Variants in ACSL3 observed in about 807,000 individuals in gnomAD.
ACSL3 encodes the protein acyl-CoA synthetase long chain family member 3.
Under a neutral mutation model 84.7 loss-of-function variants are expected in ACSL3, and 34 were observed. The ratio of observed to expected loss-of-function variants is 0.40; its 90% CI spans 0.31 to 0.53. The LOEUF is 0.53. Ranked by LOEUF, ACSL3 falls within the 20% of genes least tolerant of loss-of-function variation. The pLI is 0.48. For synonymous variants in ACSL3, 315 were observed against 299.4 expected (o/e 1.05, Z -0.54); for missense variants, 680 against 873.1 (o/e 0.78, Z 2.79).
At chr2:222,915,134 C>G (rs1300005770) in intron 4 of ACSL3, among the ~76,000 whole-genome samples, 8 of 152,090 alleles carry the variant, frequency 5.3e-5, no homozygotes, top group Non-Finnish European at 1.2e-4. Context: ...AATCCAGTTC[C>G]TGCACATTTT....
intron 2 of ACSL3, among the ~76,000 whole-genome samples, chr2:222,896,916 A>C (rs866656501): frequency 7.8e-5 from 1 of 12,768 alleles, no homozygotes. Flanking sequence ...GCGGCTGGCC[A>C]GGCAGGGGGC....
intron 1 of ACSL3, among the ~76,000 whole-genome samples, chr2:222,865,000 TAA>T (rs755100277): frequency 5.3e-5 from 8 of 152,262 alleles, no homozygotes; most frequent in Non-Finnish European, 1.2e-4. Context: ...GTGATTGATT[TAA>T]AATGTGGCTC....
chr2:222,930,741 A>C lies in ACSL3; in HGVS notation c.1661A>C (p.Glu554Ala). ...AKTKADFFED[E>A]NGQRWLCTGD... ...ACAAAAGCTGATTTCTTTGAAGATG[A>C]AAATGGACAAAGGTGGCTCTGTACT... Residue 554 changes from glutamate (E) to alanine (A), a missense_variant, in exon 14 of 17, where the codon GAA becomes GCA. Coordinates refer to ENST00000357430, the MANE Select transcript of ACSL3 (RefSeq NM_004457.5). The C allele has an allele frequency of 6.2e-7, 1 of 1,614,174 alleles. No homozygotes were observed. The highest frequency in any genetic ancestry group is 8.5e-7 in the Non-Finnish European group (1 of 1,180,014).
intron 1 of ACSL3, among the ~76,000 whole-genome samples, chr2:222,876,247 T>C (rs927358682): frequency 6.6e-6 from 1 of 152,228 alleles, no homozygotes; most frequent in Admixed American, 6.5e-5. Context: ...CCTACCCTCA[T>C]GTGGGATAGC....
In ACSL3 at chr2:222,927,161, A is replaced by G. The variant is rs1696904341; in HGVS notation, c.1437A>G (p.Glu479=). Residue 479 remains glutamate (E), a synonymous_variant, in exon 12 of 17, where the codon GAA becomes GAG. Coordinates refer to ENST00000357430, the MANE Select transcript of ACSL3 (RefSeq NM_004457.5). ...CPVGQGYGLT[E]SAGAGTISEV... ...TTGGTCAGGGATACGGGCTCACTGA[A>G]TCTGCTGGGGCTGGAACAATTTCCG... is the stretch of plus-strand genomic sequence containing the variant. 1 of 1,613,912 alleles carries G rather than the reference A, an allele frequency of 6.2e-7. No individual in the cohort carries two copies. The highest frequency in any genetic ancestry group is 8.5e-7 in the Non-Finnish European group (1 of 1,179,902).
chr2:222,882,314 CT>C (rs1695608979), intron 1 of ACSL3, among the ~76,000 whole-genome samples: 1 of 152,120 alleles, frequency 6.6e-6, no homozygotes, highest in Non-Finnish European at 1.5e-5. Context: ...TCCCTTAAAA[CT>C]TTTAAGGCCT....
intron 1 of ACSL3, among the ~76,000 whole-genome samples, chr2:222,875,880 T>C (rs1427949857): frequency 6.6e-6 from 1 of 152,230 alleles, no homozygotes; most frequent in East Asian, 1.9e-4. Context: ...TAAAATTTTA[T>C]TCATAAAATC....
chr2:222,900,313 C>T (rs997286049), intron 2 of ACSL3, among the ~76,000 whole-genome samples: 1 of 152,096 alleles, frequency 6.6e-6, no homozygotes. Context: ...CTCAGTGGTA[C>T]TTTCTCCTTC....
intron 4 of ACSL3, among the ~76,000 whole-genome samples, chr2:222,912,623 C>A (rs983116283): frequency 6.6e-6 from 1 of 152,156 alleles, no homozygotes; most frequent in African/African-American, 2.4e-5. Flanking sequence ...GATGCACAAG[C>A]CTTATTTCAA....
intron 8 of ACSL3, among the ~76,000 whole-genome samples, chr2:222,921,637 T>C (rs1291737459): frequency 6.6e-6 from 1 of 152,220 alleles, no homozygotes. Context: ...ATAGATATAT[T>C]TTAAAAAGTA....
At chr2:222,923,578 G>A (rs967585264) in intron 10 of ACSL3, among the ~76,000 whole-genome samples, 1 of 152,160 alleles carries the variant, frequency 6.6e-6, no homozygotes, top group Non-Finnish European at 1.5e-5. Context: ...AGAGAAGCTG[G>A]TGCAGCTTTG....
intron 2 of ACSL3, among the ~76,000 whole-genome samples, chr2:222,891,303 T>G (rs901462836): frequency 5.3e-4 from 81 of 152,316 alleles, no homozygotes; most frequent in African/African-American, 1.8e-3. Context: ...AGTCTTAAAA[T>G]CGATCTAGTT....
chr2:222,907,989 A>ACATG (rs983293290), intron 3 of ACSL3, among the ~76,000 whole-genome samples: 2 of 152,152 alleles, frequency 1.3e-5, no homozygotes, highest in African/African-American at 4.8e-5. Flanking sequence ...TGGCACGTAC[A>ACATG]CATGCATGCA....
intron 12 of ACSL3, 59 bp from the exon 13 acceptor site, chr2:222,928,803 A>G: frequency 7.4e-7 from 1 of 1,357,360 alleles, no homozygotes; most frequent in Non-Finnish European, 1.0e-6. Flanking sequence ...TAATTTAGAA[A>G]AATGAAGCAG....
At position 222,941,749 on chromosome 2, in the gene ACSL3, C is replaced by T; in HGVS notation, c.*95C>T. The T allele has an allele frequency of 7.4e-7, 1 of 1,345,742 alleles. No individual in the cohort carries two copies. Among genetic ancestry groups the T allele is most frequent in the African/African-American group, 1.5e-5 (1 of 68,048 alleles). 83.4% of individuals were successfully genotyped at this position (1,345,742 alleles called of 1,614,324 possible). The stretch of plus-strand genomic sequence containing the variant: ...CTCAAGCTGCAAGGCAAACTCCATT[C>T]CTCATATTAAACTATTACTTCTCAT... On this transcript the variant is annotated 3_prime_UTR_variant, in exon 17 of 17. Transcript: ENST00000357430.
At chr2:222,937,353 C>T (rs752687383) in intron 16 of ACSL3, among the ~76,000 whole-genome samples, 8 of 152,088 alleles carry the variant, frequency 5.3e-5, no homozygotes, top group Admixed American at 1.3e-4. Context: ...CTACATATAA[C>T]TTTTCTTTTT....
At chr2:222,861,969 A>G (rs927168061) in intron 1 of ACSL3, among the ~76,000 whole-genome samples, 4 of 152,178 alleles carry the variant, frequency 2.6e-5, no homozygotes, top group African/African-American at 9.7e-5. Context: ...AGCCCGAGGC[A>G]CAGGTTTTCA....
intron 3 of ACSL3, among the ~76,000 whole-genome samples, chr2:222,901,834 A>T (rs1696158789): frequency 6.6e-6 from 1 of 150,930 alleles, no homozygotes; most frequent in African/African-American, 2.4e-5. Flanking sequence ...AGTCTCAGCT[A>T]CTCGGGAGGC....
chr2:222,915,195 A>AT (rs1217955339), intron 4 of ACSL3, among the ~76,000 whole-genome samples: 1 of 152,216 alleles, frequency 6.6e-6, no homozygotes, highest in African/African-American at 2.4e-5. Context: ...TTTTGAAGTC[A>AT]TTGGAGCTCC....
Sources: gnomAD v4.1 joint callset for allele counts (sites outside exome capture counted in the v4.1 genomes callset) on GRCh38, gnomAD v4.1.1 for gene constraint, MANE v1.5 for transcripts, NCBI Gene and HGNC (gene_info 2026-07-23, HGNC 2026-07-21) for gene names.